TRPM3: variants seen among roughly 807,000 people sequenced by gnomAD.
The protein encoded by TRPM3 is transient receptor potential cation channel subfamily M member 3, also known as long transient receptor potential channel 3.
Under a neutral mutation model 181.2 loss-of-function variants are expected in TRPM3, and 77 were observed. The observed-to-expected ratio is 0.42, with a 90% CI of 0.35 to 0.51. The LOEUF (loss-of-function observed/expected upper bound fraction) is 0.51, where lower values mean the gene tolerates loss of function less well. Among genes scored for constraint, TRPM3 ranks in the 20% least tolerant of loss-of-function variants. TRPM3 has a pLI of 0.01. For synonymous variants in TRPM3, 745 were observed against 796.4 expected (o/e 0.94, Z 1.09); for missense variants, 1,759 against 2,196.7 (o/e 0.80, Z 3.98).
chr9:71,335,798 C>CAG (rs4069880), intron 1 of TRPM3, among the ~76,000 whole-genome samples: 145,721 of 152,084 alleles, frequency 0.96, 69,890 homozygotes, highest in Non-Finnish European at 0.98. Context: ...TAGAATCTAA[C>CAG]AAACAGTTTT....
intron 1 of TRPM3, among the ~76,000 whole-genome samples, chr9:71,230,625 A>G (rs1458274141): frequency 6.6e-6 from 1 of 152,198 alleles, no homozygotes; most frequent in African/African-American, 2.4e-5. Context: ...ATTAAAGTTC[A>G]AGAAGTGCTT....
chr9:70,925,442 C>A (rs2096711419), intron 1 of TRPM3, among the ~76,000 whole-genome samples: 1 of 151,904 alleles, frequency 6.6e-6, no homozygotes, highest in Admixed American at 6.6e-5. Context: ...GGGTCTTAAA[C>A]AAGGTAGATA....
At chr9:70,998,424 C>T (rs1444764240) in intron 1 of TRPM3, among the ~76,000 whole-genome samples, 2 of 151,846 alleles carry the variant, frequency 1.3e-5, no homozygotes, top group Admixed American at 6.6e-5. Context: ...GTATGTCCTG[C>T]CCCCACACAT....
At position 71,394,660 on chromosome 9, in the gene TRPM3, A is replaced by T. The variant is rs932186476; in HGVS notation, c.183+51993T>A. Among the ~76,000 whole-genome samples, 18 of 152,248 alleles carry T rather than the reference A, an allele frequency of 1.2e-4. No homozygotes were observed. The South Asian group carries it at 3.3e-3, about 28-fold the overall frequency. On this transcript the variant is annotated intron_variant, in intron 1 of 24. Transcript: ENST00000357533. Reference sequence around the variant, plus strand: ...GCTCTCACACATCCCAGCCTTTTTGATGTATGATCTGCCTATGTCACACAA... The same window carrying T: ...GCTCTCACACATCCCAGCCTTTTTGTTGTATGATCTGCCTATGTCACACAA...
chr9:71,402,683 T>TA, intron 1 of TRPM3, among the ~76,000 whole-genome samples: 1 of 152,214 alleles, frequency 6.6e-6, no homozygotes, highest in Non-Finnish European at 1.5e-5. Flanking sequence ...CTGAGAGTTG[T>TA]ACTCCTTGGT....
intron 5 of TRPM3, among the ~76,000 whole-genome samples, chr9:70,840,981 A>G (rs1424003033): frequency 6.6e-6 from 1 of 152,208 alleles, no homozygotes; most frequent in East Asian, 1.9e-4. Context: ...TCCTGAAGCT[A>G]TGAACATTTC....
chr9:71,358,412 G>A (rs1163834941), intron 1 of TRPM3, among the ~76,000 whole-genome samples: 4 of 152,078 alleles, frequency 2.6e-5, no homozygotes, highest in African/African-American at 9.7e-5. Context: ...CTGTCAGGCA[G>A]GGCTAAGTAA....
chr9:70,625,414 TAGAGTAA>T lies in TRPM3; in HGVS notation c.1668+61_1668+67del. 1 of 1,588,676 alleles carries T rather than the reference TAGAGTAA, an allele frequency of 6.3e-7. No individual in the cohort carries two copies. Among genetic ancestry groups the T allele is most frequent in the Non-Finnish European group, 8.5e-7 (1 of 1,170,398 alleles). On this transcript the variant is annotated intron_variant, in intron 13 of 25. Transcript: ENST00000677713. This position sits in a 1 kb window ranked among gnomAD's most constrained non-coding sequence, Gnocchi z 4.8. ...GATTCTACTTCACGTATTCTGTAAC[TAGAGTAA>T]AAAAAAAATAATGAAAAAAGAAACA...
intron 8 of TRPM3, among the ~76,000 whole-genome samples, chr9:70,755,618 C>T (rs769306801): frequency 1.1e-4 from 16 of 152,160 alleles, no homozygotes; most frequent in Middle Eastern, 3.4e-3. Context: ...CCGCCTGCCT[C>T]GGCCTCCCAA....
At chr9:71,226,009 TAAAAAAAAAAAAAAAAAA>T in intron 1 of TRPM3, among the ~76,000 whole-genome samples, 143 of 34,716 alleles carry the variant, frequency 4.1e-3, no homozygotes, top group African/African-American at 0.013. Context: ...CAACAAAAGG[TAAAAAAAAAAAAAAAAAA>T]AAAAAAAAAA....
chr9:70,920,838 T>C (rs1334265668), intron 1 of TRPM3, among the ~76,000 whole-genome samples: 1 of 152,242 alleles, frequency 6.6e-6, no homozygotes, highest in African/African-American at 2.4e-5. Flanking sequence ...ATAACTAAAC[T>C]GATCATAATT....
intron 1 of TRPM3, among the ~76,000 whole-genome samples, chr9:70,949,544 AT>A (rs74311989): frequency 2.3e-3 from 330 of 143,570 alleles, no homozygotes; most frequent in Non-Finnish European, 2.2e-3. Context: ...TTTGAATGTA[AT>A]TTTTTTTTTT....
intron 1 of TRPM3, among the ~76,000 whole-genome samples, chr9:71,370,911 T>A (rs1022177353): frequency 2.0e-5 from 3 of 152,188 alleles, no homozygotes; most frequent in Non-Finnish European, 4.4e-5. Context: ...CCAGTGCTTA[T>A]TTGCCATTCT....
intron 1 of TRPM3, among the ~76,000 whole-genome samples, chr9:71,054,835 G>T (rs1295065260): frequency 6.6e-6 from 1 of 152,010 alleles, no homozygotes; most frequent in Admixed American, 6.6e-5. Context: ...TGATGACCTC[G>T]GGAAAGCCCC....
intron 22 of TRPM3, among the ~76,000 whole-genome samples, chr9:70,588,117 T>C (rs926493964): frequency 6.6e-6 from 1 of 152,246 alleles, no homozygotes; most frequent in African/African-American, 2.4e-5. Context: ...AATTATGTTG[T>C]GACTTTACAG....
chr9:71,167,811 T>C (rs1236659550), intron 1 of TRPM3, among the ~76,000 whole-genome samples: 1 of 152,072 alleles, frequency 6.6e-6, no homozygotes, highest in African/African-American at 2.4e-5. Flanking sequence ...TTAAAAAAAA[T>C]CCAGCAGCAT....
intron 1 of TRPM3, among the ~76,000 whole-genome samples, chr9:71,374,695 AC>A (rs2092620971): frequency 6.6e-6 from 1 of 152,072 alleles, no homozygotes; most frequent in South Asian, 2.1e-4. Flanking sequence ...TATCTAGAAA[AC>A]CCCATTGTCT....
intron 1 of TRPM3, among the ~76,000 whole-genome samples, chr9:71,425,197 C>T (rs1351315942): frequency 6.6e-6 from 1 of 152,102 alleles, no homozygotes; most frequent in Non-Finnish European, 1.5e-5. Flanking sequence ...GTACTATCAT[C>T]CTAATTAACA....
chr9:71,230,036 A>T (rs965524982), intron 1 of TRPM3, among the ~76,000 whole-genome samples: 8 of 152,182 alleles, frequency 5.3e-5, no homozygotes, highest in African/African-American at 1.9e-4. Context: ...GTGTCCATCA[A>T]CAGGTGAATG....
Sources: gnomAD v4.1 joint callset for allele counts (sites outside exome capture counted in the v4.1 genomes callset) on GRCh38, gnomAD v4.1.1 for gene constraint, Gnocchi (gnomAD v3.1) non-coding constraint, MANE v1.5 for transcripts, NCBI Gene and HGNC (gene_info 2026-07-23, HGNC 2026-07-21) for gene names.